The following XPO4 variants were observed in gnomAD, a reference collection of about 807,000 sequenced individuals.
XPO4 encodes the protein exportin 4, also known as exportin-4.
A neutral mutation model predicts 143.0 loss-of-function variants in XPO4; 39 were observed. The ratio of observed to expected loss-of-function variants is 0.27; its 90% CI spans 0.21 to 0.36. The LOEUF is 0.36. XPO4 is among the 10% of genes least tolerant of loss of function. The pLI is 1.00. For synonymous variants in XPO4, 439 were observed against 474.0 expected, an observed-to-expected ratio of 0.93 and a Z score of 0.96; for missense variants, 907 against 1,348.0, an observed-to-expected ratio of 0.67 and a Z score of 5.12.
At chr13:20,902,095 A>G in intron 1 of XPO4, 1 of 985,360 alleles carries the variant, frequency 1.0e-6, no homozygotes, top group Non-Finnish European at 1.2e-6. Flanking sequence ...GTTTTGCCCC[A>G]ATGACCTTGG....
At chr13:20,804,189 ATATATC>A (rs1334668836) in intron 13 of XPO4, among the ~76,000 whole-genome samples, 3 of 150,492 alleles carry the variant, frequency 2.0e-5, no homozygotes, top group African/African-American at 7.3e-5. Context: ...CATACACTAT[ATATATC>A]TATATATATA....
At chr13:20,879,253 G>A (rs2138154302) in intron 1 of XPO4, 1 of 985,282 alleles carries the variant, frequency 1.0e-6, no homozygotes, top group African/African-American at 1.7e-5. Flanking sequence ...TCAGCGCAAG[G>A]GTAAACTATT....
At chr13:20,859,931 G>T in intron 3 of XPO4, 2 of 821,730 alleles carry the variant, frequency 2.4e-6, no homozygotes, top group Non-Finnish European at 2.9e-6. Flanking sequence ...TCTCAGGTTG[G>T]GGAATGGCGA....
intron 6 of XPO4, among the ~76,000 whole-genome samples, chr13:20,830,802 C>T (rs539598448): frequency 6.6e-6 from 1 of 152,210 alleles, no homozygotes; most frequent in Non-Finnish European, 1.5e-5. Flanking sequence ...GAATAACAGA[C>T]TATGCTGGCT....
chr13:20,785,868 AGGAGGGAG>A lies in XPO4; in HGVS notation c.3258+1089_3258+1096del, dbSNP rs796264032. 2.6e-4 allele frequency among the ~76,000 whole-genome samples: 28 copies of A among 108,706 alleles called. 1 individual carries two copies. Among genetic ancestry groups the A allele is most frequent in the East Asian group, 1.6e-3 (5 of 3,194 alleles). 71.3% of individuals were successfully genotyped at this position (108,706 alleles called of 152,430 possible). A position where few individuals can be genotyped will look rare whatever the true frequency, so the allele number is the denominator to read the frequency against. ...AGGGTGGAAGGGAACGGGGGAGGAA[AGGAGGGAG>A]GGAGGGAGGGAGAAAGAAAGAAAGA... is the stretch of plus-strand genomic sequence containing the variant. On this transcript the variant is annotated intron_variant, in intron 22 of 22. Coordinates refer to ENST00000255305, the MANE Select transcript of XPO4 (RefSeq NM_022459.5).
rs749159730 is a variant in XPO4, at chr13:20,788,596, C to A, written c.2937G>T (p.Gln979His). ...AGATAAATGTGATTAATTTGTAGTA[C>A]TGATTACAAAGGGTTGGAAACTGAA... is the stretch of plus-strand genomic sequence containing the variant. Reference protein sequence around the residue: ...DLLKFPTLCNQYYKLITFICE... With the variant: ...DLLKFPTLCNHYYKLITFICE... The change falls in exon 20 of 23, where the codon CAG becomes CAT. Residue 979 changes from glutamine to histidine, a missense_variant. Gln to His is a conservative substitution (Grantham distance 24, BLOSUM62 0). Transcript: ENST00000255305. 15 of 1,607,204 alleles carry A rather than the reference C, an allele frequency of 9.3e-6. No individual in the cohort carries two copies. In the South Asian group the frequency reaches 1.7e-4, roughly 18 times the overall value.
chr13:20,831,118 CA>C (rs928519629), intron 6 of XPO4, among the ~76,000 whole-genome samples: 25 of 151,170 alleles, frequency 1.7e-4, no homozygotes, highest in East Asian at 1.2e-3. Context: ...TATAAGAAAT[CA>C]AAAAAAATAC....
chr13:20,810,580 G>A (rs896649036), intron 9 of XPO4, among the ~76,000 whole-genome samples: 1 of 152,110 alleles, frequency 6.6e-6, no homozygotes, highest in Admixed American at 6.5e-5. Flanking sequence ...CCCTCTTCTT[G>A]GTTCTCCATC....
intron 6 of XPO4, among the ~76,000 whole-genome samples, chr13:20,841,024 C>A (rs2059968290): frequency 6.6e-6 from 1 of 152,150 alleles, no homozygotes; most frequent in Non-Finnish European, 1.5e-5. Flanking sequence ...TTTAGACAAG[C>A]TTTGTTTCCA....
chr13:20,816,138 T>A (rs892497362), intron 9 of XPO4, among the ~76,000 whole-genome samples: 1 of 152,206 alleles, frequency 6.6e-6, no homozygotes, highest in Non-Finnish European at 1.5e-5. Flanking sequence ...TTTACAGGCA[T>A]CAGCACAATC....
chr13:20,814,871 T>C (rs1224752576), intron 9 of XPO4, among the ~76,000 whole-genome samples: 1 of 152,230 alleles, frequency 6.6e-6, no homozygotes, highest in Non-Finnish European at 1.5e-5. Flanking sequence ...CTTGGAAGTA[T>C]ATAGAGCAAT....
In XPO4 at chr13:20,807,524, T is replaced by C. The variant is rs2059523295; in HGVS notation, c.1750A>G (p.Ile584Val). 1.2e-6 allele frequency: 2 copies of C among 1,613,648 alleles called. No homozygotes were observed. The highest frequency in any genetic ancestry group is 3.3e-5 in the Admixed American group (2 of 59,948). The change falls in exon 13 of 23, where the codon ATT becomes GTT. Residue 584 changes from isoleucine to valine, a missense_variant. Transcript: ENST00000255305. ...SEVDINTTLQ[I>V]LGSPGEKASS... ...GCCTTTTCTCCTGGAGATCCCAAAA[T>C]TTGAAGTGTTGTATTAATGTCAACT...
intron 1 of XPO4, among the ~76,000 whole-genome samples, chr13:20,882,233 T>TA (rs1431776648): frequency 6.6e-6 from 1 of 151,780 alleles, no homozygotes; most frequent in East Asian, 1.9e-4. Flanking sequence ...CACATTACTA[T>TA]AAAGGAATAC....
chr13:20,865,607 T>C, intron 2 of XPO4: 1 of 958,618 alleles, frequency 1.0e-6, no homozygotes, highest in Middle Eastern at 5.3e-4. Context: ...GTCAGCCATC[T>C]GAAACTAAAC....
intron 2 of XPO4, among the ~76,000 whole-genome samples, chr13:20,868,187 G>A (rs1300815267): frequency 1.3e-5 from 2 of 150,526 alleles, no homozygotes; most frequent in African/African-American, 2.4e-5. Context: ...AAAAAACTAT[G>A]GAAAACAACT....
chr13:20,836,668 A>C (rs1339908851), intron 6 of XPO4, among the ~76,000 whole-genome samples: 1 of 152,208 alleles, frequency 6.6e-6, no homozygotes, highest in African/African-American at 2.4e-5. Flanking sequence ...TAAAGGCTTC[A>C]TTAAGACATA....
intron 6 of XPO4, among the ~76,000 whole-genome samples, chr13:20,836,877 T>C (rs528434593): frequency 4.1e-4 from 62 of 152,146 alleles, no homozygotes; most frequent in African/African-American, 1.2e-3. Context: ...TCTGTCTCTA[T>C]AGATTTGCCC....
At chr13:20,875,131 A>G (rs1420499840) in intron 1 of XPO4, among the ~76,000 whole-genome samples, 1 of 152,242 alleles carries the variant, frequency 6.6e-6, no homozygotes, top group Non-Finnish European at 1.5e-5. Context: ...AAATACTGGT[A>G]GTCTTTGACT....
At chr13:20,894,109 T>C (rs947287787) in intron 1 of XPO4, among the ~76,000 whole-genome samples, 15 of 152,202 alleles carry the variant, frequency 9.9e-5, no homozygotes, top group African/African-American at 3.6e-4. Flanking sequence ...CCCAAAGTGC[T>C]GGGATTACAG....
Sources: gnomAD v4.1 joint callset for allele counts (sites outside exome capture counted in the v4.1 genomes callset) on GRCh38, gnomAD v4.1.1 for gene constraint, MANE v1.5 for transcripts, NCBI Gene and HGNC (gene_info 2026-07-23, HGNC 2026-07-21) for gene names.